The following CLTRN variants were observed in gnomAD, a reference collection of about 807,000 sequenced individuals.
CLTRN encodes collectrin, amino acid transport regulator.
Under a neutral mutation model 14.5 loss-of-function variants are expected in CLTRN, and 12 were observed. The observed-to-expected ratio is 0.83, with a 90% confidence interval of 0.53 to 1.34. CLTRN has a LOEUF of 1.34. CLTRN is among the 40% of genes most tolerant of loss of function. The probability of loss-of-function intolerance (pLI) is 0.00; values close to 1 mark genes in which losing one functional copy is unlikely to be tolerated. For missense variants in CLTRN, 154 were observed against 165.1 expected (o/e 0.93, Z 0.37); for synonymous variants, 58 against 56.5 (o/e 1.03, Z -0.12).
chrX:15,670,632 T>G (rs1490527565), intron 1 of CLTRN, among the ~76,000 whole-genome samples: 1 of 111,352 alleles, frequency 9.0e-6, no homozygotes, highest in Non-Finnish European at 1.9e-5. Flanking sequence ...AGTTCTATTT[T>G]AACTCAGTGG....
At chrX:15,650,578 T>C (rs1929191334) in intron 3 of CLTRN, among the ~76,000 whole-genome samples, 1 of 112,111 alleles carries the variant, frequency 8.9e-6, no homozygotes, top group Non-Finnish European at 1.9e-5. Flanking sequence ...TAAGCATCAT[T>C]TCTCTAAGAT....
chrX:15,659,870 T>C (rs1315747179), intron 2 of CLTRN, among the ~76,000 whole-genome samples: 3 of 112,069 alleles, frequency 2.7e-5, no homozygotes, highest in Non-Finnish European at 3.8e-5. Flanking sequence ...TAAATTTCCG[T>C]TGTGTAAGGC....
chrX:15,663,481 T>C (rs1224944622), intron 2 of CLTRN, among the ~76,000 whole-genome samples: 4 of 112,541 alleles, frequency 3.6e-5, no homozygotes, highest in African/African-American at 9.7e-5. Context: ...CCTCAAAGCA[T>C]TGTTGTGAGG....
chrX:15,643,463 T>A (rs957623603), intron 4 of CLTRN, among the ~76,000 whole-genome samples: 1 of 112,239 alleles, frequency 8.9e-6, no homozygotes, highest in East Asian at 2.8e-4. Context: ...TATTAATACT[T>A]CCCAGACCTT....
At chrX:15,659,166 C>T in intron 2 of CLTRN, 65 bp from the exon 3 acceptor site, 2 of 532,150 alleles carry the variant, frequency 3.8e-6, no homozygotes, top group Admixed American at 2.5e-5. Context: ...CTTGTACCCA[C>T]AGTGGCTCTC....
chrX:15,630,976 C>T (rs1928681252), intron 5 of CLTRN, among the ~76,000 whole-genome samples: 2 of 112,179 alleles, frequency 1.8e-5, no homozygotes, highest in Non-Finnish European at 3.8e-5. Flanking sequence ...ACATCACTTC[C>T]ATTCATAGTA....
chrX:15,632,173 T>C lies in CLTRN; in HGVS notation c.513-4046A>G, dbSNP rs776694060. Among the ~76,000 whole-genome samples the C allele has an allele frequency of 1.3e-4, 14 of 111,712 alleles. No individual in the cohort carries two copies. In the South Asian group the frequency reaches 5.2e-3, roughly 42 times the overall value. ...GGCAAAAGAGGGGAGGAAAGAAGTA[T>C]CAGGTGTGGCCCTCAGAGCTAGGGG... On this transcript the variant is annotated intron_variant, in intron 5 of 5. Coordinates refer to ENST00000380342, the MANE Select transcript of CLTRN (RefSeq NM_020665.6).
chrX:15,644,212 C>G (rs1929005733), intron 4 of CLTRN, among the ~76,000 whole-genome samples: 1 of 111,890 alleles, frequency 8.9e-6, no homozygotes, highest in Non-Finnish European at 1.9e-5. Context: ...CTGAGAGCAC[C>G]TTTCTAGGCA....
chrX:15,673,944 GAAC>G (rs754269525), intron 1 of CLTRN, among the ~76,000 whole-genome samples: 1 of 112,354 alleles, frequency 8.9e-6, no homozygotes, highest in Admixed American at 9.4e-5. Flanking sequence ...CTGCTAATTA[GAAC>G]AACAAACCAG....
chrX:15,664,193 T>A, intron 2 of CLTRN, 144 bp downstream of exon 2: 1 of 424,257 alleles, frequency 2.4e-6, no homozygotes, highest in Admixed American at 4.2e-5. Flanking sequence ...TATTCTATAA[T>A]CTATCTTTAA....
intron 5 of CLTRN, among the ~76,000 whole-genome samples, chrX:15,630,328 C>A (rs1424815741): frequency 2.8e-5 from 3 of 107,086 alleles, no homozygotes; most frequent in Non-Finnish European, 5.8e-5. Context: ...AGGCAGTAGC[C>A]CTAGGTAGAC....
intron 3 of CLTRN, chrX:15,646,120 C>T (rs1040409642): frequency 7.1e-6 from 1 of 141,082 alleles, no homozygotes; most frequent in African/African-American, 3.1e-5. Flanking sequence ...GTGGGAAGGA[C>T]TGAGGCTTGA....
chrX:15,640,609 AG>A (rs1928919844), intron 4 of CLTRN, among the ~76,000 whole-genome samples: 1 of 112,819 alleles, frequency 8.9e-6, no homozygotes, highest in Admixed American at 9.3e-5. Context: ...TAAATATCAC[AG>A]CCCCCAAAAG....
upstream of CLTRN, among the ~76,000 whole-genome samples, chrX:15,667,966 TTCAG>T (rs1323452537): frequency 2.7e-5 from 3 of 112,437 alleles, no homozygotes; most frequent in Non-Finnish European, 5.6e-5. Flanking sequence ...AATATTGAGT[TTCAG>T]TCAGTGTAAG....
chrX:15,642,552 T>G (rs761698254), intron 4 of CLTRN, among the ~76,000 whole-genome samples: 12 of 112,122 alleles, frequency 1.1e-4, no homozygotes, highest in Non-Finnish European at 2.3e-4. Context: ...TGTGAACAAA[T>G]TCACGTGCTT....
At chrX:15,637,805 G>A (rs963977211) in intron 5 of CLTRN, among the ~76,000 whole-genome samples, 1 of 111,996 alleles carries the variant, frequency 8.9e-6, no homozygotes, top group African/African-American at 3.2e-5. Context: ...ATTATTTCCA[G>A]TACACCTCAC....
upstream of CLTRN, chrX:15,675,512 G>C (rs1465463673): frequency 8.9e-6 from 1 of 111,956 alleles, no homozygotes; most frequent in Non-Finnish European, 1.9e-5. Flanking sequence ...CAGAGGCGTC[G>C]GCAAGTTAGC....
chrX:15,637,027 G>C (rs942991422), intron 5 of CLTRN, among the ~76,000 whole-genome samples: 9 of 111,301 alleles, frequency 8.1e-5, no homozygotes, highest in African/African-American at 2.9e-4. Context: ...TAACAGAATT[G>C]TTAAAGCTTT....
upstream of CLTRN, chrX:15,664,808 G>GA (rs751218884): frequency 1.9e-3 from 2,095 of 1,075,655 alleles, no homozygotes; most frequent in Non-Finnish European, 2.2e-3. Context: ...GGCAAAGTGA[G>GA]AAAAAAAAAA....
Sources: gnomAD v4.1 joint callset for allele counts (sites outside exome capture counted in the v4.1 genomes callset) on GRCh38, gnomAD v4.1.1 for gene constraint, MANE v1.5 for transcripts, NCBI Gene and HGNC (gene_info 2026-07-23, HGNC 2026-07-21) for gene names.